The following CLCN1 variants were observed in gnomAD, a reference collection of about 807,000 sequenced individuals.
CLCN1 encodes the protein chloride voltage-gated channel 1, also known as chloride channel protein 1.
A neutral mutation model predicts 114.5 loss-of-function variants in CLCN1; 100 were observed. That is an observed-to-expected ratio of 0.87 (90% CI 0.74 to 1.03). CLCN1 has a LOEUF of 1.03. CLCN1 is among the 50% of genes least tolerant of loss of function. The probability of loss-of-function intolerance (pLI) is 0.00; values close to 1 mark genes in which losing one functional copy is unlikely to be tolerated. For synonymous variants in CLCN1, 485 were observed against 487.1 expected, an observed-to-expected ratio of 1.00 and a Z score of 0.06; for missense variants, 1,188 against 1,250.0, an observed-to-expected ratio of 0.95 and a Z score of 0.75.
At chr7:143,319,185 A>C (rs1417799651) in intron 1 of CLCN1, among the ~76,000 whole-genome samples, 1 of 152,190 alleles carries the variant, frequency 6.6e-6, no homozygotes, top group Non-Finnish European at 1.5e-5. Flanking sequence ...TTTTCGGGCT[A>C]GTTCTTGTGT....
At position 143,341,938 on chromosome 7, in the gene CLCN1, C is replaced by T. The variant is rs80356704; in HGVS notation, c.1592C>T (p.Ala531Val). Reference protein sequence around the residue: ...PGGYAVIGAAALTGAVSHTVS... With the variant: ...PGGYAVIGAAVLTGAVSHTVS... ...TCCTGTGTCATTCTAGGAGCAGCAG[C>T]GCTGACTGGTGCCGTTTCCCACACA... is the stretch of plus-strand genomic sequence containing the variant. The change falls in exon 15 of 23, where the codon GCG becomes GTG. Residue 531 changes from alanine (A) to valine (V), a missense_variant. Coordinates refer to ENST00000343257, the MANE Select transcript of CLCN1 (RefSeq NM_000083.3). 52 of 1,613,184 alleles carry T rather than the reference C, an allele frequency of 3.2e-5. No individual in the cohort carries two copies. The highest frequency in any genetic ancestry group is 3.3e-5 in the Admixed American group (2 of 60,026).
In CLCN1 at chr7:143,351,849, T is replaced by C. The variant is rs753877377; in HGVS notation, c.2851T>C (p.Leu951=). The C allele has an allele frequency of 1.2e-6, 2 of 1,613,198 alleles. No individual in the cohort carries two copies. The highest frequency in any genetic ancestry group is 2.2e-5 in the South Asian group (2 of 91,052). ...GGCCCCAGGCAAGGTAGAGGGCGAGTTGGAGGAGCTGGAGCTGGTGGAGAG... is the reference window on the plus strand; with the variant it reads ...GGCCCCAGGCAAGGTAGAGGGCGAGCTGGAGGAGCTGGAGCTGGTGGAGAG... ...SLAPGKVEGE[L]EELELVESPG... is the part of the protein sequence containing the mutation. Residue 951 remains leucine, a synonymous_variant, in exon 23 of 23, where the codon TTG becomes CTG. Transcript: ENST00000343257.
At chr7:143,333,300 CAAAA>C (rs56344035) in intron 12 of CLCN1, among the ~76,000 whole-genome samples, 1 of 139,010 alleles carries the variant, frequency 7.2e-6, no homozygotes. Flanking sequence ...GATTCTGTCT[CAAAA>C]AAAAAAAAAA....
Position 143,330,830 on chromosome 7 carries a change from A to C in CLCN1, c.912A>C (p.Arg304Ser). The C allele has an allele frequency of 6.2e-7, 1 of 1,614,158 alleles. No individual in the cohort carries two copies. Among genetic ancestry groups the C allele is most frequent in the Non-Finnish European group, 8.5e-7 (1 of 1,180,032 alleles). Residue 304 changes from arginine to serine, a missense_variant, in exon 8 of 23, where the codon AGA becomes AGC. Physicochemically the swap from Arg to Ser is moderately radical, Grantham distance 110 (BLOSUM62 -1). Transcript: ENST00000343257. ...ACTTTGCTGTTCGGAACTACTGGAG[A>C]GGATTCTTTGCAGCCACGTTCAGCG... ...STYFAVRNYW[R>S]GFFAATFSAF... is the part of the protein sequence containing the mutation.
chr7:143,320,135 C>T (rs953992548), intron 2 of CLCN1, among the ~76,000 whole-genome samples: 4 of 152,156 alleles, frequency 2.6e-5, no homozygotes, highest in East Asian at 1.9e-4. Context: ...ACTATAGGCA[C>T]ATGCCACCAT....
At chr7:143,322,048 C>A (rs1221395708) in intron 5 of CLCN1, among the ~76,000 whole-genome samples, 200 bp downstream of exon 5, 1 of 152,242 alleles carries the variant, frequency 6.6e-6, no homozygotes, top group African/African-American at 2.4e-5. Flanking sequence ...GCTTGGGGAG[C>A]TTGGAGCAGG....
intron 16 of CLCN1, among the ~76,000 whole-genome samples, chr7:143,343,076 C>T (rs1231683747): frequency 1.3e-5 from 2 of 152,192 alleles, no homozygotes; most frequent in South Asian, 2.1e-4. Flanking sequence ...TCTCTGGTCA[C>T]ATTTCCATCA....
In CLCN1 at chr7:143,337,955, T is replaced by C. The variant is rs1403633920; in HGVS notation, c.1402-1298T>C. ...CATTCTCCTGCCTCAGCCTCCCAAG[T>C]AGCTGGGACTACAGGTGCCCACCAC... is the stretch of plus-strand genomic sequence containing the variant. On this transcript the variant is annotated intron_variant, in intron 12 of 22. Coordinates refer to ENST00000343257, the MANE Select transcript of CLCN1 (RefSeq NM_000083.3). 5.3e-5 allele frequency among the ~76,000 whole-genome samples: 8 copies of C among 151,314 alleles called. 1 individual carries two copies. Among genetic ancestry groups the C allele is most frequent in the Admixed American group, 5.3e-4 (8 of 15,182 alleles).
chr7:143,320,249 A>AGGT, intron 2 of CLCN1, among the ~76,000 whole-genome samples: 1 of 152,254 alleles, frequency 6.6e-6, no homozygotes, highest in Non-Finnish European at 1.5e-5. Flanking sequence ...TCCTGGGATT[A>AGGT]GAGGCGTGAG....
At chr7:143,325,855 ACT>A (rs1802559165) in intron 7 of CLCN1, among the ~76,000 whole-genome samples, 1 of 152,226 alleles carries the variant, frequency 6.6e-6, no homozygotes, top group East Asian at 1.9e-4. Context: ...TTCTGAAACC[ACT>A]GTGGTAGAAA....
chr7:143,321,623 A>G lies in CLCN1; in HGVS notation c.563-92A>G. On this transcript the variant is annotated intron_variant, in intron 4 of 22. Coordinates refer to ENST00000343257, the MANE Select transcript of CLCN1 (RefSeq NM_000083.3). This position sits in a 1 kb window ranked among gnomAD's most constrained non-coding sequence, Gnocchi z 4.2. The stretch of plus-strand genomic sequence containing the variant: ...CCATCCTCCCCACCACTGCCTCTTC[A>G]GCCCTCTCCAATTCCCATTCCCATA... 6.2e-7 allele frequency: 1 copy of G among 1,604,858 alleles called. No homozygotes were observed. Among genetic ancestry groups the G allele is most frequent in the Non-Finnish European group, 8.5e-7 (1 of 1,172,122 alleles).
At chr7:143,332,320 A>G (rs1424459886) in intron 10 of CLCN1, 99 bp from the exon 11 acceptor site, 1 of 897,636 alleles carries the variant, frequency 1.1e-6, no homozygotes, top group South Asian at 1.3e-5. Context: ...AAGAAATGAG[A>G]CTACGGTGGA....
At chr7:143,328,174 C>T (rs188068394) in intron 7 of CLCN1, among the ~76,000 whole-genome samples, 6 of 152,122 alleles carry the variant, frequency 3.9e-5, no homozygotes, top group Admixed American at 1.3e-4. Flanking sequence ...ATTTTTGCAG[C>T]GGGGTTGACG....
At chr7:143,323,554 A>G (rs1403123673) in intron 6 of CLCN1, 168 bp downstream of exon 6, 1 of 711,792 alleles carries the variant, frequency 1.4e-6, no homozygotes, top group South Asian at 1.5e-5. Context: ...TACCCTGGCC[A>G]CGTGATGCCT....
At position 143,321,101 on chromosome 7, in the gene CLCN1, T is replaced by G. The variant is rs1484778601; in HGVS notation, c.434-264T>G. ...AACATCCCGAATCCCAGGAAGCCCC[T>G]TGGTTCTGGGCACACCGGGTGGTTG... is the stretch of plus-strand genomic sequence containing the variant. On this transcript the variant is annotated intron_variant, in intron 3 of 22. Coordinates refer to ENST00000343257, the MANE Select transcript of CLCN1 (RefSeq NM_000083.3). This position sits in a 1 kb window ranked among gnomAD's most constrained non-coding sequence, Gnocchi z 4.2. Among the ~76,000 whole-genome samples, 1 of 152,170 alleles carries G rather than the reference T, an allele frequency of 6.6e-6. No homozygotes were observed. The highest frequency in any genetic ancestry group is 1.5e-5 in the Non-Finnish European group (1 of 68,022).
chr7:143,334,613 G>C (rs1300688329), intron 12 of CLCN1, among the ~76,000 whole-genome samples: 1 of 151,972 alleles, frequency 6.6e-6, no homozygotes, highest in Non-Finnish European at 1.5e-5. Context: ...ATTTTTTGCT[G>C]TTTATTTAAT....
intron 1 of CLCN1, among the ~76,000 whole-genome samples, chr7:143,317,014 A>C (rs544505308): frequency 6.6e-6 from 1 of 152,322 alleles, no homozygotes; most frequent in African/African-American, 2.4e-5. Flanking sequence ...CAGCAACAGA[A>C]GCATGCAGGC....
chr7:143,323,890 T>C, intron 6 of CLCN1: 1 of 470,832 alleles, frequency 2.1e-6, no homozygotes, highest in Non-Finnish European at 4.4e-6. Flanking sequence ...TTGCAGCCCC[T>C]GTCGGAGGCA....
intron 16 of CLCN1, among the ~76,000 whole-genome samples, chr7:143,343,340 A>T (rs990967838): frequency 5.9e-5 from 9 of 152,202 alleles, no homozygotes; most frequent in African/African-American, 2.2e-4. Flanking sequence ...AAGCACAAAA[A>T]TGCAAAAAGG....
Sources: allele counts gnomAD v4.1 joint callset (sites outside exome capture counted in the v4.1 genomes callset), GRCh38; gene constraint gnomAD v4.1.1; non-coding constraint Gnocchi (gnomAD v3.1); transcripts MANE v1.5; gene names NCBI Gene and HGNC (gene_info 2026-07-23, HGNC 2026-07-21).